The following RALGPS1 variants were observed in gnomAD, a reference collection of about 807,000 sequenced individuals.
The protein encoded by RALGPS1 is Ral GEF with PH domain and SH3 binding motif 1, also known as ras-specific guanine nucleotide-releasing factor RalGPS1.
RALGPS1 carries 19 observed loss-of-function variants against 78.8 expected under a neutral mutation model. That is an observed-to-expected ratio of 0.24 (90% CI 0.17 to 0.35). RALGPS1 has a LOEUF of 0.35. Among genes scored for constraint, RALGPS1 ranks in the 10% least tolerant of loss-of-function variants. The probability of loss-of-function intolerance (pLI) is 1.00; values close to 1 mark genes in which losing one functional copy is unlikely to be tolerated. For synonymous variants in RALGPS1, 228 were observed against 256.3 expected, an observed-to-expected ratio of 0.89 and a Z score of 1.06; for missense variants, 454 against 688.3, an observed-to-expected ratio of 0.66 and a Z score of 3.81.
chr9:127,148,646 G>C (rs540602261), intron 8 of RALGPS1, among the ~76,000 whole-genome samples: 1 of 152,284 alleles, frequency 6.6e-6, no homozygotes, highest in East Asian at 1.9e-4. Context: ...AGCCAGTGGG[G>C]TGGGTGTTCA....
At chr9:127,056,657 A>C (rs1038276507) in intron 7 of RALGPS1, among the ~76,000 whole-genome samples, 3 of 152,314 alleles carry the variant, frequency 2.0e-5, no homozygotes, top group Non-Finnish European at 2.9e-5. Flanking sequence ...GTCTGGTAAC[A>C]GCACGCAGGG....
At chr9:127,053,221 A>G (rs1027298167) in intron 7 of RALGPS1, among the ~76,000 whole-genome samples, 1 of 152,154 alleles carries the variant, frequency 6.6e-6, no homozygotes, top group South Asian at 2.1e-4. Context: ...GGTCAGCGGC[A>G]TGACTTCTGC....
At chr9:127,013,418 C>T (rs554360401) in intron 4 of RALGPS1, among the ~76,000 whole-genome samples, 19 of 152,240 alleles carry the variant, frequency 1.2e-4, no homozygotes, top group Admixed American at 6.5e-5. Context: ...CGCTGTGGTA[C>T]GCACCCCTGG....
intron 8 of RALGPS1, among the ~76,000 whole-genome samples, chr9:127,092,408 C>T (rs1249469682): frequency 3.9e-5 from 6 of 151,964 alleles, no homozygotes; most frequent in East Asian, 1.9e-4. Context: ...TCCCATCCAC[C>T]GGCGCTCCCC....
intron 4 of RALGPS1, among the ~76,000 whole-genome samples, chr9:127,026,153 G>A (rs2045942915): frequency 6.6e-6 from 1 of 152,182 alleles, no homozygotes; most frequent in Non-Finnish European, 1.5e-5. Flanking sequence ...AGGAGACCCA[G>A]CCTGAGTCCC....
chr9:126,986,599 G>A (rs1268748659), intron 4 of RALGPS1, among the ~76,000 whole-genome samples: 1 of 152,238 alleles, frequency 6.6e-6, no homozygotes, highest in African/African-American at 2.4e-5. Context: ...GGAGTTGAAG[G>A]CGCAGCAGTG....
At chr9:127,044,016 T>C (rs1022256050) in intron 5 of RALGPS1, among the ~76,000 whole-genome samples, 1 of 152,206 alleles carries the variant, frequency 6.6e-6, no homozygotes, top group Non-Finnish European at 1.5e-5. Flanking sequence ...AATCCAGCAA[T>C]TGCAATCCTA....
chr9:126,999,010 G>A (rs1003137448), intron 4 of RALGPS1, among the ~76,000 whole-genome samples: 3 of 20,614 alleles, frequency 1.5e-4, no homozygotes, highest in Non-Finnish European at 1.9e-4. Context: ...ACACACTGGG[G>A]ACTGTTGTTG....
At chr9:127,167,055 C>T (rs894412715) in intron 9 of RALGPS1, among the ~76,000 whole-genome samples, 2 of 152,138 alleles carry the variant, frequency 1.3e-5, no homozygotes, top group Non-Finnish European at 1.5e-5. Flanking sequence ...GCTCTAGGCA[C>T]CTGCCTCTGG....
chr9:127,200,737 A>G (rs1025025336), intron 14 of RALGPS1, among the ~76,000 whole-genome samples: 1 of 152,200 alleles, frequency 6.6e-6, no homozygotes, highest in Non-Finnish European at 1.5e-5. Flanking sequence ...GGACAGGCAC[A>G]AGGGCAGACT....
chr9:126,989,772 CA>C, intron 4 of RALGPS1: 1 of 1,378,354 alleles, frequency 7.3e-7, no homozygotes, highest in South Asian at 1.5e-5. Flanking sequence ...AGATAAAATA[CA>C]TATTCCTGTG....
chr9:126,924,801 A>G (rs967247237), intron 1 of RALGPS1, among the ~76,000 whole-genome samples: 4 of 152,246 alleles, frequency 2.6e-5, no homozygotes, highest in African/African-American at 9.6e-5. Flanking sequence ...ACTGAGTGCC[A>G]GTGCTATGCC....
At chr9:127,165,272 G>A (rs1191195545) in intron 8 of RALGPS1, among the ~76,000 whole-genome samples, 1 of 152,264 alleles carries the variant, frequency 6.6e-6, no homozygotes, top group African/African-American at 2.4e-5. Context: ...ATCTCCAGGT[G>A]GTCTGAAGCT....
At chr9:127,024,340 T>C (rs1361861672) in intron 4 of RALGPS1, among the ~76,000 whole-genome samples, 1 of 151,684 alleles carries the variant, frequency 6.6e-6, no homozygotes, top group Non-Finnish European at 1.5e-5. Flanking sequence ...AACTGTTTTT[T>C]CTGCTGGTTA....
At chr9:127,200,481 A>G (rs1308631764) in intron 14 of RALGPS1, among the ~76,000 whole-genome samples, 1 of 152,208 alleles carries the variant, frequency 6.6e-6, no homozygotes, top group Non-Finnish European at 1.5e-5. Flanking sequence ...GCCACACCCA[A>G]CAGCCTCCTG....
intron 18 of RALGPS1, chr9:127,217,149 T>C (rs920459879): frequency 7.8e-7 from 1 of 1,277,046 alleles, no homozygotes; most frequent in Admixed American, 4.0e-5. Context: ...AGAGCACTAA[T>C]GGGTCAGTTT....
At chr9:127,160,449 C>T (rs949870375) in intron 8 of RALGPS1, among the ~76,000 whole-genome samples, 3 of 152,318 alleles carry the variant, frequency 2.0e-5, no homozygotes, top group African/African-American at 2.4e-5. Flanking sequence ...TGCCTCACCA[C>T]GGCAGTCTGG....
intron 4 of RALGPS1, among the ~76,000 whole-genome samples, chr9:126,982,829 CTCT>C (rs3052977): frequency 2.1e-5 from 3 of 144,420 alleles, no homozygotes; most frequent in African/African-American, 7.8e-5. Flanking sequence ...CTTCTTCTTC[CTCT>C]TCTTCTTCCT....
At position 126,965,918 on chromosome 9, in the gene RALGPS1, C is replaced by T. The variant is rs779640477; in HGVS notation, c.132C>T (p.Phe44=). 9.3e-6 allele frequency: 15 copies of T among 1,613,970 alleles called. No homozygotes were observed. Among genetic ancestry groups the T allele is most frequent in the African/African-American group, 8.0e-5 (6 of 74,906 alleles). ...GCAAGAGCTATGATGCCGTTGTCTT[C>T]GATGTCTTGAAAGTGACCCCAGAGG... ...YASKSYDAVV[F]DVLKVTPEEF... The change falls in exon 3 of 19, where the codon TTC becomes TTT. Residue 44 remains phenylalanine (F), a synonymous_variant. Coordinates refer to ENST00000259351, the MANE Select transcript of RALGPS1 (RefSeq NM_014636.3).
Sources: gnomAD v4.1 joint callset for allele counts (sites outside exome capture counted in the v4.1 genomes callset) on GRCh38, gnomAD v4.1.1 for gene constraint, MANE v1.5 for transcripts, NCBI Gene and HGNC (gene_info 2026-07-23, HGNC 2026-07-21) for gene names.